Variants in TRDN observed in about 807,000 individuals in gnomAD.
TRDN encodes triadin in skeletal muscle.
Under a neutral mutation model 149.7 loss-of-function variants are expected in TRDN, and 161 were observed. The observed-to-expected ratio is 1.08, with a 90% CI of 0.95 to 1.23. The LOEUF (loss-of-function observed/expected upper bound fraction) is 1.23, where lower values mean the gene tolerates loss of function less well. TRDN is among the 50% of genes most tolerant of loss of function. The probability of loss-of-function intolerance (pLI) is 0.00; values close to 1 mark genes in which losing one functional copy is unlikely to be tolerated. For synonymous variants in TRDN, 294 were observed against 250.5 expected, an observed-to-expected ratio of 1.17 and a Z score of -1.64; for missense variants, 896 against 823.5, an observed-to-expected ratio of 1.09 and a Z score of -1.08.
intron 5 of TRDN, among the ~76,000 whole-genome samples, chr6:123,522,517 C>CTTT (rs375665403): frequency 8.0e-4 from 70 of 87,036 alleles, no homozygotes; most frequent in East Asian, 2.1e-3. Flanking sequence ...TGCGGTTCCT[C>CTTT]TTTTTTTTTT....
intron 4 of TRDN, among the ~76,000 whole-genome samples, chr6:123,530,940 A>T (rs1465297098): frequency 6.6e-6 from 1 of 151,968 alleles, no homozygotes; most frequent in East Asian, 1.9e-4. Flanking sequence ...AGGAAGATTT[A>T]GTTTTTACAT....
At chr6:123,549,756 AT>A (rs1279434317) in intron 2 of TRDN, among the ~76,000 whole-genome samples, 2 of 152,000 alleles carry the variant, frequency 1.3e-5, no homozygotes, top group East Asian at 3.9e-4. Context: ...GATGATCATG[AT>A]TTCTATCAGG....
chr6:123,278,256 G>C (rs1484089728), intron 26 of TRDN, 62 bp downstream of exon 26: 2 of 1,111,428 alleles, frequency 1.8e-6, no homozygotes, highest in Non-Finnish European at 2.4e-6. Context: ...TTTGCAAAGA[G>C]ATATTGTGCT....
intron 9 of TRDN, among the ~76,000 whole-genome samples, chr6:123,472,206 G>C (rs1184537210): frequency 6.6e-6 from 1 of 152,192 alleles, no homozygotes; most frequent in African/African-American, 2.4e-5. Context: ...GACAGTGGGC[G>C]CAGGTCAGTG....
At chr6:123,635,323 A>AAC (rs141018949) in intron 1 of TRDN, among the ~76,000 whole-genome samples, 50,868 of 147,098 alleles carry the variant, frequency 0.35, 8,779 homozygotes, top group African/African-American at 0.44. Context: ...CAGAAAAGAA[A>AAC]ACACACACAC....
At chr6:123,269,571 T>C (rs1777131938) in intron 31 of TRDN, among the ~76,000 whole-genome samples, 1 of 151,978 alleles carries the variant, frequency 6.6e-6, no homozygotes, top group South Asian at 2.1e-4. Context: ...ATATTTCTTT[T>C]GTATAGTTAT....
intron 8 of TRDN, chr6:123,503,368 C>T: frequency 1.0e-6 from 1 of 985,270 alleles, no homozygotes. Flanking sequence ...GACCACTTTC[C>T]TCCAAAGAGT....
At chr6:123,334,986 A>G (rs752152060) in intron 22 of TRDN, among the ~76,000 whole-genome samples, 50 of 152,178 alleles carry the variant, frequency 3.3e-4, no homozygotes, top group South Asian at 1.0e-3. Context: ...ATACAACGCT[A>G]ATAAAATAAG....
Position 123,218,520 on chromosome 6 carries a change from T to C in TRDN, c.*81A>G. 5 of 1,488,544 alleles carry C rather than the reference T, an allele frequency of 3.4e-6. No homozygotes were observed. Among genetic ancestry groups the C allele is most frequent in the Non-Finnish European group, 4.5e-6 (5 of 1,108,978 alleles). 92.2% of individuals were successfully genotyped at this position (1,488,544 alleles called of 1,614,324 possible). A position where few individuals can be genotyped will look rare whatever the true frequency, so the allele number is the denominator to read the frequency against. On this transcript the variant is annotated 3_prime_UTR_variant, in exon 41 of 41. Transcript: ENST00000334268. The stretch of plus-strand genomic sequence containing the variant: ...TCACAGAAATTCTCTGGGTTGCATA[T>C]TCTTAATTGCCTGAACTACTGTGGA...
At chr6:123,278,118 G>GA (rs879733892) in intron 26 of TRDN, among the ~76,000 whole-genome samples, 200 bp downstream of exon 26, 1 of 152,010 alleles carries the variant, frequency 6.6e-6, no homozygotes, top group Non-Finnish European at 1.5e-5. Context: ...AAATTTCTCA[G>GA]ATATTTCACC....
chr6:123,405,850 A>G lies in TRDN; in HGVS notation c.1052-12173T>C, dbSNP rs1773172632. ...CCTAATCCAATACTTCAAGTACTACAAGCAGAGAACACTCATTAGATTACT... is the reference window on the plus strand; with the variant it reads ...CCTAATCCAATACTTCAAGTACTACGAGCAGAGAACACTCATTAGATTACT... On this transcript the variant is annotated intron_variant, in intron 12 of 40. Transcript: ENST00000334268. Among the ~76,000 whole-genome samples the G allele has an allele frequency of 2.0e-5, 3 of 152,198 alleles. 1 individual carries two copies. The South Asian group carries it at 6.2e-4, about 31-fold the overall frequency.
intron 6 of TRDN, among the ~76,000 whole-genome samples, chr6:123,513,042 G>C (rs959396971): frequency 6.6e-6 from 1 of 152,034 alleles, no homozygotes; most frequent in Non-Finnish European, 1.5e-5. Context: ...CAGAATCTTG[G>C]AGAGATGATT....
At chr6:123,391,251 A>T (rs1208504009) in intron 13 of TRDN, among the ~76,000 whole-genome samples, 1 of 152,074 alleles carries the variant, frequency 6.6e-6, no homozygotes, top group Non-Finnish European at 1.5e-5. Context: ...AGAATGAATC[A>T]TCTTTTCCCT....
intron 1 of TRDN, among the ~76,000 whole-genome samples, chr6:123,582,180 G>A (rs75759387): frequency 1.3e-5 from 2 of 152,072 alleles, no homozygotes; most frequent in African/African-American, 4.8e-5. Context: ...CGAAATGGGG[G>A]GCATTTCCAC....
intron 20 of TRDN, among the ~76,000 whole-genome samples, chr6:123,364,132 G>C (rs977802990): frequency 2.2e-4 from 33 of 152,150 alleles, no homozygotes; most frequent in Non-Finnish European, 3.8e-4. Flanking sequence ...GCCTACTCTG[G>C]CTCAGGAAGC....
At chr6:123,596,248 C>G (rs1784032072) in intron 1 of TRDN, among the ~76,000 whole-genome samples, 1 of 151,970 alleles carries the variant, frequency 6.6e-6, no homozygotes, top group Non-Finnish European at 1.5e-5. Flanking sequence ...TAATCCAGAC[C>G]AAGGCACTAA....
chr6:123,590,591 C>T (rs561422558), intron 1 of TRDN, among the ~76,000 whole-genome samples: 25 of 152,046 alleles, frequency 1.6e-4, no homozygotes, highest in South Asian at 4.2e-4. Context: ...AGTGAAACCC[C>T]GTCTCTACTA....
intron 10 of TRDN, among the ~76,000 whole-genome samples, chr6:123,461,060 G>A (rs766898334): frequency 3.9e-5 from 6 of 152,128 alleles, no homozygotes; most frequent in Non-Finnish European, 7.4e-5. Flanking sequence ...GCTATGTAGG[G>A]TTCACTCTGT....
At chr6:123,557,638 C>A (rs114489947) in intron 2 of TRDN, among the ~76,000 whole-genome samples, 1,648 of 152,194 alleles carry the variant, frequency 0.011, 29 homozygotes, top group African/African-American at 0.038. Flanking sequence ...CACGCGGGGA[C>A]AACTGCCTGA....
Sources: gnomAD v4.1 joint callset for allele counts (sites outside exome capture counted in the v4.1 genomes callset) on GRCh38, gnomAD v4.1.1 for gene constraint, MANE v1.5 for transcripts, NCBI Gene and HGNC (gene_info 2026-07-23, HGNC 2026-07-21) for gene names.